Variants in TWF1 observed in about 807,000 individuals in gnomAD.
TWF1 encodes the protein twinfilin actin binding protein 1, also known as twinfilin-1.
A neutral mutation model predicts 47.9 loss-of-function variants in TWF1; 14 were observed. The observed-to-expected ratio is 0.29, with a 90% CI of 0.19 to 0.46. The LOEUF is 0.46. Among genes scored for constraint, TWF1 ranks in the 20% least tolerant of loss-of-function variants. The pLI is 1.00. For missense variants in TWF1, 281 were observed against 409.3 expected (o/e 0.69, Z 2.70); for synonymous variants, 96 against 139.2 (o/e 0.69, Z 2.18).
chr12:43,806,309 C>T lies in TWF1; in HGVS notation c.-64G>A, dbSNP rs1176556921. On this transcript the variant is annotated 5_prime_UTR_variant, in exon 1 of 9. Transcript: ENST00000395510. Reference sequence around the variant, plus strand: ...AGCCAGCGGCCCCGGCCGGCGGCCCCAGGAAGTGGCTGCTCCTCCGCCGGC... The same window carrying T: ...AGCCAGCGGCCCCGGCCGGCGGCCCTAGGAAGTGGCTGCTCCTCCGCCGGC... The T allele has an allele frequency of 4.4e-5, 62 of 1,417,054 alleles. No individual in the cohort carries two copies. Among genetic ancestry groups the T allele is most frequent in the Non-Finnish European group, 5.3e-5 (58 of 1,086,212 alleles). The allele number at this position is 1,417,054 out of a possible 1,614,324, so 87.8% of individuals were successfully genotyped here. A position where few individuals can be genotyped will look rare whatever the true frequency, so the allele number is the denominator to read the frequency against.
Position 43,804,477 on chromosome 12 carries a change from T to A in TWF1, c.103+18A>T. The A allele has an allele frequency of 6.7e-7, 1 of 1,501,742 alleles. No homozygotes were observed. Among genetic ancestry groups the A allele is most frequent in the Non-Finnish European group, 9.2e-7 (1 of 1,090,104 alleles). 93.0% of individuals were successfully genotyped at this position (1,501,742 alleles called of 1,614,324 possible). On this transcript the variant is annotated intron_variant, in intron 2 of 8. Coordinates refer to ENST00000395510, the MANE Select transcript of TWF1 (RefSeq NM_002822.5). ...CACTAATCCAGGAACAGAAAATATT[T>A]TAAAATATTTAACTAACCATTTTCA...
At chr12:43,803,561 T>C (rs1344232336) in intron 2 of TWF1, among the ~76,000 whole-genome samples, 3 of 152,260 alleles carry the variant, frequency 2.0e-5, no homozygotes, top group Admixed American at 6.5e-5. Flanking sequence ...ACTTAGGAAG[T>C]AGTGCCATTT....
intron 5 of TWF1, among the ~76,000 whole-genome samples, chr12:43,798,044 T>C (rs558835219): frequency 5.9e-5 from 9 of 152,244 alleles, no homozygotes; most frequent in African/African-American, 2.2e-4. Flanking sequence ...AAGTGAACAT[T>C]TGAATGAGTG....
rs1942582129 is a variant in TWF1, at chr12:43,797,818, C to G, written c.499G>C (p.Gly167Arg). 3 of 1,612,906 alleles carry G rather than the reference C, an allele frequency of 1.9e-6. No homozygotes were observed. The East Asian group carries it at 6.7e-5, about 36-fold the overall frequency. ...IKINEVQTDV[G>R]VDTKHQTLQG... ...AGTGTTTGATGCTTAGTGTCCACAC[C>G]CACGTCAGTCTGTACCTAAGTATGA... The change falls in exon 6 of 9, where the codon GGT becomes CGT. Residue 167 changes from glycine (G) to arginine (R), a missense_variant. Gly to Arg is a moderately radical substitution (Grantham distance 125). Transcript: ENST00000395510.
intron 1 of TWF1, among the ~76,000 whole-genome samples, chr12:43,805,190 T>C (rs906004974): frequency 2.6e-5 from 4 of 152,256 alleles, no homozygotes; most frequent in African/African-American, 9.6e-5. Flanking sequence ...ATTTCGTTCC[T>C]GTGTTGTCTA....
rs562983808 is a variant in TWF1 at position 43,799,307 on chromosome 12, A to C, written c.483+91T>G. On this transcript the variant is annotated intron_variant, in intron 5 of 8. Coordinates refer to ENST00000395510, the MANE Select transcript of TWF1 (RefSeq NM_002822.5). The stretch of plus-strand genomic sequence containing the variant: ...TAAACCTAAGCTACCTAACTTCTTT[A>C]ATCTCTAGTTATCCTCCCACATCTA... The C allele has an allele frequency of 6.2e-6, 5 of 807,710 alleles. No homozygotes were observed. The South Asian group carries it at 1.1e-4, about 18-fold the overall frequency. The allele number at this position is 807,710 out of a possible 1,614,324, so 50.0% of individuals were successfully genotyped here. A position where few individuals can be genotyped will look rare whatever the true frequency, so the allele number is the denominator to read the frequency against.
intron 3 of TWF1, 143 bp from the exon 4 acceptor site, chr12:43,800,673 C>G (rs750134947): frequency 3.4e-6 from 2 of 594,046 alleles, no homozygotes; most frequent in Non-Finnish European, 5.9e-6. Flanking sequence ...TGCTAAAATA[C>G]GTGTGTACAA....
rs769116453 is a variant in TWF1, at chr12:43,800,442, G to C, written c.371C>G (p.Thr124Arg). 6.2e-7 allele frequency: 1 copy of C among 1,611,472 alleles called. No homozygotes were observed. Among genetic ancestry groups the C allele is most frequent in the Non-Finnish European group, 8.5e-7 (1 of 1,178,656 alleles). Residue 124 changes from threonine to arginine, a missense_variant, in exon 4 of 9, where the codon ACA (threonine) becomes AGA (arginine). Transcript: ENST00000395510. ...GGHIKDEVFG[T>R]VKEDVSLHGY... ...CACATACAAACATAATACCTTTACT[G>C]TTCCAAATACTTCATCTTTAATGTG...
At position 43,804,568 on chromosome 12, in the gene TWF1, A is replaced by T. The variant is rs757801453; in HGVS notation, c.30T>A (p.Ser10Arg). MSHQTGIQA[S>R]EDVKEIFARA... ...TGGCAAAGATCTCTTTAACATCTTC[A>T]CTTGCTGTGGAAAAAGATAAAGAAA... The change falls in exon 2 of 9, where the codon AGT (serine) becomes AGA (arginine). Residue 10 changes from serine to arginine, a missense_variant. By Grantham distance (110) the Ser-to-Arg change is moderately radical. Transcript: ENST00000395510. The T allele has an allele frequency of 6.3e-7, 1 of 1,594,588 alleles. No homozygotes were observed. Among genetic ancestry groups the T allele is most frequent in the Non-Finnish European group, 8.5e-7 (1 of 1,171,464 alleles).
intron 1 of TWF1, among the ~76,000 whole-genome samples, chr12:43,804,837 T>C (rs989285515): frequency 6.6e-6 from 1 of 152,254 alleles, no homozygotes; most frequent in Non-Finnish European, 1.5e-5. Context: ...GGGGTGAATA[T>C]ACTGAAGTTA....
chr12:43,800,600 AAT>A (rs1942642088), intron 3 of TWF1, 70 bp from the exon 4 acceptor site: 3 of 1,160,848 alleles, frequency 2.6e-6, no homozygotes, highest in Non-Finnish European at 3.8e-6. Context: ...GCACATTCTG[AAT>A]ATATTAATAT....
At chr12:43,800,876 G>A (rs978563758) in intron 3 of TWF1, among the ~76,000 whole-genome samples, 11 of 151,940 alleles carry the variant, frequency 7.2e-5, no homozygotes, top group South Asian at 4.2e-4. Context: ...TCAGCCTCCC[G>A]AGTAGCTGGG....
intron 3 of TWF1, 74 bp downstream of exon 3, chr12:43,802,212 T>A (rs1191323986): frequency 2.9e-6 from 3 of 1,024,996 alleles, no homozygotes; most frequent in Non-Finnish European, 4.1e-6. Context: ...TTTTTTAACC[T>A]TTATTTGACC....
At position 43,806,203 on chromosome 12, in the gene TWF1, C is replaced by A; in HGVS notation, c.25+18G>T. 6.5e-7 allele frequency: 1 copy of A among 1,539,692 alleles called. No homozygotes were observed. The highest frequency in any genetic ancestry group is 8.7e-7 in the Non-Finnish European group (1 of 1,144,434). ...TCCCGGAAGCCCCTTCCCTGCGAGT[C>A]GCGCCGGGCGCTGTTACCTTGGATG... On this transcript the variant is annotated intron_variant, in intron 1 of 8. Coordinates refer to ENST00000395510, the MANE Select transcript of TWF1 (RefSeq NM_002822.5).
rs747932500 is a variant in TWF1, at chr12:43,798,524, T to A, written c.484-691A>T. On this transcript the variant is annotated intron_variant, in intron 5 of 8. Transcript: ENST00000395510. Reference sequence around the variant, plus strand: ...TGGAGATTCTACAGCATAAATGATATTGGTTAATGAAAACATCATAGAACA... The same window carrying A: ...TGGAGATTCTACAGCATAAATGATAATGGTTAATGAAAACATCATAGAACA... 12 of 1,485,774 alleles carry A rather than the reference T, an allele frequency of 8.1e-6. No homozygotes were observed. The Admixed American group carries it at 2.8e-4, about 35-fold the overall frequency. 92.0% of individuals were successfully genotyped at this position (1,485,774 alleles called of 1,614,324 possible). A position where few individuals can be genotyped will look rare whatever the true frequency, so the allele number is the denominator to read the frequency against.
chr12:43,805,995 G>A, intron 1 of TWF1: 3 of 1,532,384 alleles, frequency 2.0e-6, no homozygotes, highest in Non-Finnish European at 1.8e-6. Context: ...CCCGAATTTC[G>A]GATCAATCTG....
At position 43,806,268 on chromosome 12, in the gene TWF1, C is replaced by A. The variant is rs1038274403; in HGVS notation, c.-23G>T. 2.0e-5 allele frequency: 31 copies of A among 1,519,120 alleles called. No individual in the cohort carries two copies. Among genetic ancestry groups the A allele is most frequent in the African/African-American group, 2.9e-5 (2 of 69,516 alleles). 94.1% of individuals were successfully genotyped at this position (1,519,120 alleles called of 1,614,324 possible). On this transcript the variant is annotated 5_prime_UTR_variant, in exon 1 of 9. Transcript: ENST00000395510. ...CATGGCGGCGGCCGCTAGCTCCCGGCTCCGGCGCTGAGTGCAGCCAGCGGC... is the reference window on the plus strand; with the variant it reads ...CATGGCGGCGGCCGCTAGCTCCCGGATCCGGCGCTGAGTGCAGCCAGCGGC...
chr12:43,796,577 A>G (rs1942554582), intron 8 of TWF1, among the ~76,000 whole-genome samples: 1 of 152,134 alleles, frequency 6.6e-6, no homozygotes, highest in African/African-American at 2.4e-5. Flanking sequence ...ATTAATATGC[A>G]GTAGAAATAA....
At chr12:43,804,274 C>T (rs1430064458) in intron 2 of TWF1, 1 of 530,606 alleles carries the variant, frequency 1.9e-6, no homozygotes, top group Admixed American at 2.7e-5. Flanking sequence ...GAAGAAGTCA[C>T]ATCAAAAAAC....
Sources: allele counts gnomAD v4.1 joint callset (sites outside exome capture counted in the v4.1 genomes callset), GRCh38; gene constraint gnomAD v4.1.1; transcripts MANE v1.5; gene names NCBI Gene and HGNC (gene_info 2026-07-23, HGNC 2026-07-21).